The following FBLN1 variants were observed in gnomAD, a reference collection of about 807,000 sequenced individuals.
The protein encoded by FBLN1 is fibulin 1.
A neutral mutation model predicts 89.7 loss-of-function variants in FBLN1; 34 were observed. The observed-to-expected ratio is 0.38, with a 90% confidence interval of 0.29 to 0.50. The LOEUF (loss-of-function observed/expected upper bound fraction) is 0.50. Among genes scored for constraint, FBLN1 ranks in the 20% least tolerant of loss-of-function variants. FBLN1 has a pLI of 0.92. For missense variants in FBLN1, 777 were observed against 988.1 expected (o/e 0.79, Z 2.86); for synonymous variants, 393 against 391.3 (o/e 1.00, Z -0.05).
rs577058725 is a variant in FBLN1, at chr22:45,588,511, A to G, written c.1972+11403A>G. ...CACCCTGTTTGTCCTTGCTTCTTAT[A>G]CACACACAGAACAGATGCACCCACT... On this transcript the variant is annotated intron_variant, in intron 16 of 16. Transcript: ENST00000327858. The surrounding 1 kb of genome is among the most constrained non-coding windows in gnomAD (Gnocchi z 5.1). Among the ~76,000 whole-genome samples the G allele has an allele frequency of 1.8e-4, 28 of 152,094 alleles. No individual in the cohort carries two copies. Among genetic ancestry groups the G allele is most frequent in the Admixed American group, 7.2e-4 (11 of 15,264 alleles).
chr22:45,518,893 C>A, intron 2 of FBLN1, 106 bp downstream of exon 2: 1 of 1,036,344 alleles, frequency 9.6e-7, no homozygotes, highest in Non-Finnish European at 1.5e-6. Flanking sequence ...GGCTGGACAC[C>A]CAGGCCCGGA....
intron 1 of FBLN1, among the ~76,000 whole-genome samples, chr22:45,510,977 G>A (rs1346726060): frequency 1.3e-5 from 2 of 152,206 alleles, no homozygotes; most frequent in Admixed American, 6.5e-5. Flanking sequence ...ATGTGGTGGC[G>A]TGTTGGCCAT....
At position 45,531,181 on chromosome 22, in the gene FBLN1, A is replaced by G. The variant is rs2088401393; in HGVS notation, c.485-84A>G. ...AAATGGGCATTACTGCCTGATAGTG[A>G]CAAGAAGAGAGAATGTTGGGAGTTT... is the stretch of plus-strand genomic sequence containing the variant. On this transcript the variant is annotated intron_variant, in intron 4 of 16. Transcript: ENST00000327858. This position sits in a 1 kb window ranked among gnomAD's most constrained non-coding sequence, Gnocchi z 4.9. 1 of 1,198,986 alleles carries G rather than the reference A, an allele frequency of 8.3e-7. No individual in the cohort carries two copies. The highest frequency in any genetic ancestry group is 1.2e-5 in the South Asian group (1 of 82,406). The allele number at this position is 1,198,986 out of a possible 1,614,324, so 74.3% of individuals were successfully genotyped here. A position where few individuals can be genotyped will look rare whatever the true frequency, so the allele number is the denominator to read the frequency against.
intron 11 of FBLN1, among the ~76,000 whole-genome samples, chr22:45,544,117 C>T (rs1486582595): frequency 1.3e-5 from 2 of 151,758 alleles, no homozygotes; most frequent in African/African-American, 4.8e-5. Context: ...GACGGAGTCT[C>T]GCTCTGTCAC....
rs1243785439 is a variant in FBLN1 at position 45,577,343 on chromosome 22, G to A, written c.1972+235G>A. ...TAGCTGTGCCACCCACTCTCTGGGT[G>A]ACCCCTCTGGGTCTCGGTCTCCCTG... is the stretch of plus-strand genomic sequence containing the variant. On this transcript the variant is annotated intron_variant, in intron 16 of 16. Coordinates refer to ENST00000327858, the MANE Select transcript of FBLN1 (RefSeq NM_006486.3). This position sits in a 1 kb window ranked among gnomAD's most constrained non-coding sequence, Gnocchi z 6.6. 2.6e-5 allele frequency among the ~76,000 whole-genome samples: 4 copies of A among 152,206 alleles called. No individual in the cohort carries two copies. Among genetic ancestry groups the A allele is most frequent in the African/African-American group, 9.6e-5 (4 of 41,456 alleles).
At chr22:45,594,881 G>C (rs1476592834) in intron 16 of FBLN1, among the ~76,000 whole-genome samples, 1 of 152,036 alleles carries the variant, frequency 6.6e-6, no homozygotes, top group African/African-American at 2.4e-5. Flanking sequence ...CGGATGGATG[G>C]ATAGATGGAT....
intron 14 of FBLN1, among the ~76,000 whole-genome samples, chr22:45,559,761 T>C (rs1280989019): frequency 1.3e-5 from 2 of 152,284 alleles, no homozygotes; most frequent in African/African-American, 4.8e-5. Context: ...GTCCCCAAAA[T>C]GTCTGATCAT....
intron 14 of FBLN1, chr22:45,565,207 G>C (rs1463038989): frequency 3.3e-6 from 5 of 1,504,090 alleles, no homozygotes; most frequent in Non-Finnish European, 4.5e-6. Flanking sequence ...GGACCAGTCT[G>C]GTTACGATGG....
rs136746 is a variant in FBLN1 at position 45,534,292 on chromosome 22, C to CAAAAAAA, written c.784+416_784+422dup. On this transcript the variant is annotated intron_variant, in intron 7 of 16. Coordinates refer to ENST00000327858, the MANE Select transcript of FBLN1 (RefSeq NM_006486.3). ...TTCAGGTTCTCACATGTACTTTCTA[C>CAAAAAAA]AAAAAAAAAAAAAAAAAAAAAAAAA... Among the ~76,000 whole-genome samples the CAAAAAAA allele has an allele frequency of 2.0e-4, 17 of 83,224 alleles. 1 individual carries two copies. The highest frequency in any genetic ancestry group is 6.2e-4 in the African/African-American group (13 of 21,016). 54.6% of individuals were successfully genotyped at this position (83,224 alleles called of 152,430 possible).
At position 45,502,968 on chromosome 22, in the gene FBLN1, G is replaced by T. The variant is rs1435612852; in HGVS notation, c.-18G>T. The T allele has an allele frequency of 2.6e-6, 3 of 1,133,734 alleles. No homozygotes were observed. Among genetic ancestry groups the T allele is most frequent in the Non-Finnish European group, 3.3e-6 (3 of 921,298 alleles). The allele number at this position is 1,133,734 out of a possible 1,614,324, so 70.2% of individuals were successfully genotyped here. On this transcript the variant is annotated 5_prime_UTR_variant, in exon 1 of 17. Coordinates refer to ENST00000327858, the MANE Select transcript of FBLN1 (RefSeq NM_006486.3). ...GCGCCTTTGTCCGCCGCCGCCCACC[G>T]CCCGTCGCCCGCCGCCCATGGAGCG...
intron 14 of FBLN1, among the ~76,000 whole-genome samples, chr22:45,555,276 TATATATATATATATAAAATGGA>T (rs2088773306): frequency 6.8e-6 from 1 of 146,288 alleles, no homozygotes. Flanking sequence ...AAATGGAATA[TATATATATATATATAAAATGGA>T]ATATATATAT....
At position 45,533,182 on chromosome 22, in the gene FBLN1, G is replaced by C. The variant is rs1376787358; in HGVS notation, c.646+18G>C. On this transcript the variant is annotated intron_variant, in intron 6 of 16. Coordinates refer to ENST00000327858, the MANE Select transcript of FBLN1 (RefSeq NM_006486.3). ...CTGTGAAGGTAATGTCCCTATCCCA[G>C]GTGCCAGCAGGACTGGCCGGTCACT... The C allele has an allele frequency of 1.3e-5, 21 of 1,605,568 alleles. No homozygotes were observed. The highest frequency in any genetic ancestry group is 1.8e-5 in the Non-Finnish European group (21 of 1,172,316).
intron 16 of FBLN1, among the ~76,000 whole-genome samples, chr22:45,589,140 A>C (rs1379676842): frequency 6.7e-6 from 1 of 149,352 alleles, no homozygotes; most frequent in Non-Finnish European, 1.5e-5. Context: ...AAATATGTAA[A>C]AATATATTTT....
At position 45,531,214 on chromosome 22, in the gene FBLN1, G is replaced by A; in HGVS notation, c.485-51G>A. ...AGAGAATGTTGGGAGTTTCTTTTAA[G>A]ATAAGATGGGTGTTTGGATAAATGT... is the stretch of plus-strand genomic sequence containing the variant. On this transcript the variant is annotated intron_variant, in intron 4 of 16. Transcript: ENST00000327858. The surrounding 1 kb of genome is among the most constrained non-coding windows in gnomAD (Gnocchi z 4.9). 5 of 1,532,312 alleles carry A rather than the reference G, an allele frequency of 3.3e-6. No individual in the cohort carries two copies. The highest frequency in any genetic ancestry group is 4.5e-6 in the Non-Finnish European group (5 of 1,105,744). The allele number at this position is 1,532,312 out of a possible 1,614,324, so 94.9% of individuals were successfully genotyped here.
chr22:45,525,854 C>A (rs1363177112), intron 3 of FBLN1, among the ~76,000 whole-genome samples, 176 bp downstream of exon 3: 1 of 152,212 alleles, frequency 6.6e-6, no homozygotes, highest in African/African-American at 2.4e-5. Flanking sequence ...GTTTCTCCCC[C>A]TCCACTGTAG....
intron 2 of FBLN1, among the ~76,000 whole-genome samples, chr22:45,520,147 T>TG: frequency 6.6e-6 from 1 of 152,224 alleles, no homozygotes; most frequent in East Asian, 1.9e-4. Flanking sequence ...CCAGCCTAGG[T>TG]GACAGAGTGA....
intron 14 of FBLN1, among the ~76,000 whole-genome samples, chr22:45,569,194 T>C (rs2088929706): frequency 6.7e-6 from 1 of 149,300 alleles, no homozygotes; most frequent in Admixed American, 6.6e-5. Context: ...AGGGGCTGAA[T>C]TGTGTCCCCC....
chr22:45,595,303 G>A (rs928326153), intron 16 of FBLN1, among the ~76,000 whole-genome samples: 3 of 152,170 alleles, frequency 2.0e-5, no homozygotes, highest in African/African-American at 7.2e-5. Context: ...GGATTTGGAA[G>A]GTCAGGAAGG....
intron 16 of FBLN1, among the ~76,000 whole-genome samples, chr22:45,582,052 T>C (rs1033903571): frequency 6.6e-6 from 1 of 152,144 alleles, no homozygotes; most frequent in African/African-American, 2.4e-5. Flanking sequence ...GAGGTTGCGG[T>C]TGAGGTTGTA....
Sources: allele counts gnomAD v4.1 joint callset (sites outside exome capture counted in the v4.1 genomes callset), GRCh38; gene constraint gnomAD v4.1.1; non-coding constraint Gnocchi (gnomAD v3.1); transcripts MANE v1.5; gene names NCBI Gene and HGNC (gene_info 2026-07-23, HGNC 2026-07-21).